Variants in ZNF79 observed in about 807,000 individuals in gnomAD.
ZNF79 encodes zinc finger protein 79.
Under a neutral mutation model 14.9 loss-of-function variants are expected in ZNF79, and 13 were observed. The observed-to-expected ratio is 0.87, with a 90% CI of 0.57 to 1.38. The LOEUF (loss-of-function observed/expected upper bound fraction) is 1.38, where lower values mean the gene tolerates loss of function less well. ZNF79 is among the 40% of genes most tolerant of loss of function. The pLI, the probability that ZNF79 is intolerant of heterozygous loss-of-function variation, is 0.00. For missense variants in ZNF79, 631 were observed against 630.6 expected (o/e 1.00, Z -0.01); for synonymous variants, 223 against 235.1 (o/e 0.95, Z 0.47).
chr9:127,428,629 CTG>C (rs759446009), intron 1 of ZNF79: 10 of 1,190,468 alleles, frequency 8.4e-6, no homozygotes, highest in Non-Finnish European at 1.0e-5. Context: ...ACTTGAGAGT[CTG>C]TGAACACTCT....
chr9:127,445,306 TAG>T lies in ZNF79; in HGVS notation c.*112_*113del, dbSNP rs1319055380. Reference sequence around the variant, plus strand: ...TGAAAGCATCTGAAGACATCTAACTTAGAGTCTGCAGCCCAGAGCCACATGCA... The same window carrying T: ...TGAAAGCATCTGAAGACATCTAACTTAGTCTGCAGCCCAGAGCCACATGCA... On this transcript the variant is annotated 3_prime_UTR_variant, in exon 5 of 5. Transcript: ENST00000342483. 8 of 1,235,026 alleles carry T rather than the reference TAG, an allele frequency of 6.5e-6. No individual in the cohort carries two copies. Among genetic ancestry groups the T allele is most frequent in the East Asian group, 2.4e-5 (1 of 42,276 alleles). The allele number at this position is 1,235,026 out of a possible 1,614,324, so 76.5% of individuals were successfully genotyped here. A position where few individuals can be genotyped will look rare whatever the true frequency, so the allele number is the denominator to read the frequency against.
At position 127,424,624 on chromosome 9, in the gene ZNF79, C is replaced by G; in HGVS notation, c.-164C>G. On this transcript the variant is annotated 5_prime_UTR_variant, in exon 1 of 5. Transcript: ENST00000342483. ...GCAGGCCCGGACAGCTCCCGCGACC[C>G]AGCACCGCAGGATCAGACCGTGCCT... 9.2e-7 allele frequency: 1 copy of G among 1,081,174 alleles called. No individual in the cohort carries two copies. Among genetic ancestry groups the G allele is most frequent in the East Asian group, 2.6e-5 (1 of 38,200 alleles). The allele number at this position is 1,081,174 out of a possible 1,614,324, so 67.0% of individuals were successfully genotyped here.
chr9:127,427,337 C>T (rs371902449), intron 1 of ZNF79, among the ~76,000 whole-genome samples: 33 of 150,210 alleles, frequency 2.2e-4, no homozygotes, highest in South Asian at 4.2e-4. Flanking sequence ...GTAGGAGAAT[C>T]GCTTGAACCT....
chr9:127,443,717 C>T (rs1006497226), intron 4 of ZNF79, among the ~76,000 whole-genome samples: 9 of 151,856 alleles, frequency 5.9e-5, no homozygotes, highest in Admixed American at 3.3e-4. Context: ...CTGGCTAACA[C>T]GGTGAAACCC....
intron 4 of ZNF79, among the ~76,000 whole-genome samples, chr9:127,441,148 G>A (rs528462697): frequency 4.9e-4 from 75 of 151,778 alleles, no homozygotes; most frequent in African/African-American, 1.6e-3. Flanking sequence ...ATAGATGATC[G>A]GACCCCAAGT....
chr9:127,428,251 G>T (rs1417076121), intron 1 of ZNF79, among the ~76,000 whole-genome samples: 1 of 152,184 alleles, frequency 6.6e-6, no homozygotes, highest in African/African-American at 2.4e-5. Context: ...AAATTGCTGG[G>T]ATTACAGGCA....
chr9:127,425,437 AAGC>A (rs1222042169), intron 1 of ZNF79, among the ~76,000 whole-genome samples: 1 of 152,226 alleles, frequency 6.6e-6, no homozygotes, highest in Non-Finnish European at 1.5e-5. Flanking sequence ...ACAAATGTGT[AAGC>A]AGGCAACCTC....
chr9:127,444,346 A>G lies in ZNF79; in HGVS notation c.646A>G (p.Thr216Ala). The change falls in exon 5 of 5, where the codon ACT becomes GCT. Residue 216 changes from threonine (T) to alanine (A), a missense_variant. Physicochemically the swap from Thr to Ala is moderately conservative, Grantham distance 58. Coordinates refer to ENST00000342483, the MANE Select transcript of ZNF79 (RefSeq NM_007135.3). ...SSLSQHQKSH[T>A]GEKPYECSEC... ...CCTTTCTCAGCATCAGAAGAGCCAC[A>G]CTGGAGAGAAGCCCTATGAGTGCAG... The G allele has an allele frequency of 6.2e-7, 1 of 1,613,990 alleles. No homozygotes were observed. The highest frequency in any genetic ancestry group is 1.1e-5 in the South Asian group (1 of 91,078).
At chr9:127,435,756 C>A in intron 3 of ZNF79, 152 bp from the exon 4 acceptor site, 1 of 671,928 alleles carries the variant, frequency 1.5e-6, no homozygotes, top group Non-Finnish European at 2.7e-6. Context: ...ACTGCTATAG[C>A]CCCTGGTGTA....
At chr9:127,443,005 C>A (rs575557642) in intron 4 of ZNF79, among the ~76,000 whole-genome samples, 1 of 152,290 alleles carries the variant, frequency 6.6e-6, no homozygotes, top group African/African-American at 2.4e-5. Context: ...ACTGGAAGAT[C>A]TTCAGGGGCA....
chr9:127,439,123 AAAAG>A (rs1428898903), intron 4 of ZNF79, among the ~76,000 whole-genome samples: 5 of 151,854 alleles, frequency 3.3e-5, no homozygotes, highest in Non-Finnish European at 5.9e-5. Context: ...AAAAAAAAGA[AAAAG>A]AAAGACTGTA....
At chr9:127,428,762 C>G (rs1833806137) in intron 1 of ZNF79, 70 bp from the exon 2 acceptor site, 1 of 1,380,014 alleles carries the variant, frequency 7.2e-7, no homozygotes, top group African/African-American at 1.5e-5. Flanking sequence ...GCTATGTCCC[C>G]TCTTCACAGT....
chr9:127,438,087 T>C (rs1833980584), intron 4 of ZNF79, among the ~76,000 whole-genome samples: 1 of 151,996 alleles, frequency 6.6e-6, no homozygotes. Flanking sequence ...CCTCTGCCCT[T>C]ACGCACAGCA....
At chr9:127,425,133 C>T (rs1833728066) in intron 1 of ZNF79, among the ~76,000 whole-genome samples, 1 of 152,098 alleles carries the variant, frequency 6.6e-6, no homozygotes, top group African/African-American at 2.4e-5. Context: ...CCTGGGGACT[C>T]CTCTGTCACT....
chr9:127,426,946 C>G (rs959311996), intron 1 of ZNF79, among the ~76,000 whole-genome samples: 2 of 152,138 alleles, frequency 1.3e-5, no homozygotes, highest in Non-Finnish European at 2.9e-5. Context: ...ACATCCTCAT[C>G]AACACTTGTT....
In ZNF79 at chr9:127,424,896, T is replaced by C. The variant is rs945683756; in HGVS notation, c.16+93T>C. On this transcript the variant is annotated intron_variant, in intron 1 of 4. Transcript: ENST00000342483. ...TGTGTGAGCCGAATCAGAACTCTCT[T>C]TATCTCTCCTACAGGTAGTTGGAGA... 6 of 1,586,616 alleles carry C rather than the reference T, an allele frequency of 3.8e-6. No individual in the cohort carries two copies. The African/African-American group carries it at 5.4e-5, about 14-fold the overall frequency.
intron 1 of ZNF79, 172 bp from the exon 2 acceptor site, chr9:127,428,660 A>T: frequency 8.1e-7 from 1 of 1,240,858 alleles, no homozygotes; most frequent in Non-Finnish European, 1.0e-6. Flanking sequence ...CCTACATCTG[A>T]GTGAGTTGAT....
At position 127,444,071 on chromosome 9, in the gene ZNF79, C is replaced by T; in HGVS notation, c.371C>T (p.Ser124Phe). 6.2e-7 allele frequency: 1 copy of T among 1,608,538 alleles called. No individual in the cohort carries two copies. The highest frequency in any genetic ancestry group is 1.1e-5 in the South Asian group (1 of 90,908). ...ISGSPPEQAL[S>F]EASFQDPCVE... ...GGATCACCACCAGAGCAAGCCCTTT[C>T]TGAAGCTTCATTCCAAGACCCATGT... The change falls in exon 5 of 5, where the codon TCT becomes TTT. Residue 124 changes from serine to phenylalanine, a missense_variant. Ser to Phe is a radical substitution (Grantham distance 155). Coordinates refer to ENST00000342483, the MANE Select transcript of ZNF79 (RefSeq NM_007135.3).
In ZNF79 at chr9:127,424,453, C is replaced by T; in HGVS notation, c.-335C>T. ...CGGTACTTGGACAGCGGTTCTTGAG[C>T]TCTCGCGGTTGCCGGTAGATTGTTG... On this transcript the variant is annotated 5_prime_UTR_variant, in exon 1 of 5. Coordinates refer to ENST00000342483, the MANE Select transcript of ZNF79 (RefSeq NM_007135.3). The T allele has an allele frequency of 6.3e-6, 2 of 316,556 alleles. No individual in the cohort carries two copies. Among genetic ancestry groups the T allele is most frequent in the Admixed American group, 4.2e-5 (1 of 23,670 alleles). The allele number at this position is 316,556 out of a possible 1,614,324, so 19.6% of individuals were successfully genotyped here.
Sources: allele counts gnomAD v4.1 joint callset (sites outside exome capture counted in the v4.1 genomes callset), GRCh38; gene constraint gnomAD v4.1.1; transcripts MANE v1.5; gene names NCBI Gene and HGNC (gene_info 2026-07-23, HGNC 2026-07-21).